Variants in SDK1 observed in about 807,000 individuals in gnomAD.
The protein encoded by SDK1 is protein sidekick-1.
SDK1 carries 157 observed loss-of-function variants against 245.5 expected under a neutral mutation model. The ratio of observed to expected loss-of-function variants is 0.64; its 90% CI spans 0.56 to 0.73. The LOEUF is 0.73. Ranked by LOEUF, SDK1 falls within the 30% of genes least tolerant of loss-of-function variation. The probability of loss-of-function intolerance (pLI) is 0.00; values close to 1 mark genes in which losing one functional copy is unlikely to be tolerated. For synonymous variants in SDK1, 1,647 were observed against 1,278.5 expected (o/e 1.29, Z -6.15); for missense variants, 3,583 against 3,002.3 (o/e 1.19, Z -4.52).
intron 4 of SDK1, among the ~76,000 whole-genome samples, chr7:3,731,376 A>T (rs1350185541): frequency 4.6e-5 from 7 of 152,200 alleles, no homozygotes; most frequent in Non-Finnish European, 7.3e-5. Context: ...CCGTGCCCCG[A>T]GTCAGCGTGG....
At chr7:3,687,221 G>T (rs1784313373) in intron 4 of SDK1, among the ~76,000 whole-genome samples, 1 of 151,236 alleles carries the variant, frequency 6.6e-6, no homozygotes, top group African/African-American at 2.4e-5. Flanking sequence ...CGCCAGGCTG[G>T]AATGCAGTGG....
At chr7:3,716,325 C>G (rs923703201) in intron 4 of SDK1, among the ~76,000 whole-genome samples, 4 of 151,892 alleles carry the variant, frequency 2.6e-5, no homozygotes, top group Non-Finnish European at 5.9e-5. Flanking sequence ...ACAATAGACC[C>G]TAAGAAATCA....
chr7:3,783,758 A>C (rs1220197501), intron 4 of SDK1, among the ~76,000 whole-genome samples: 1 of 152,234 alleles, frequency 6.6e-6, no homozygotes, highest in Non-Finnish European at 1.5e-5. Context: ...AAGAATTAAT[A>C]TTGTTAAATG....
intron 4 of SDK1, among the ~76,000 whole-genome samples, chr7:3,723,656 A>ATTT (rs1778893177): frequency 1.4e-5 from 2 of 140,316 alleles, no homozygotes; most frequent in African/African-American, 5.9e-5. Flanking sequence ...AGTAAGTAAA[A>ATTT]GTTGTGTGTG....
intron 1 of SDK1, among the ~76,000 whole-genome samples, chr7:3,353,079 C>T (rs1013197361): frequency 1.3e-5 from 2 of 152,120 alleles, no homozygotes; most frequent in African/African-American, 2.4e-5. Flanking sequence ...TATATTATCC[C>T]AATTTAGCTT....
intron 1 of SDK1, among the ~76,000 whole-genome samples, chr7:3,486,346 A>G (rs1781694126): frequency 6.6e-6 from 1 of 151,924 alleles, no homozygotes; most frequent in Non-Finnish European, 1.5e-5. Context: ...AGCCAGTTTT[A>G]TGGGTCATTT....
intron 1 of SDK1, among the ~76,000 whole-genome samples, chr7:3,451,846 G>C (rs1362754016): frequency 6.6e-6 from 1 of 152,160 alleles, no homozygotes; most frequent in Non-Finnish European, 1.5e-5. Flanking sequence ...AGTGTAGTAA[G>C]TGAAAGACTT....
chr7:3,561,738 C>T (rs978844107), intron 1 of SDK1, among the ~76,000 whole-genome samples: 1 of 152,300 alleles, frequency 6.6e-6, no homozygotes, highest in East Asian at 1.9e-4. Flanking sequence ...AAAGGCCAGG[C>T]TACAAAGAGC....
At chr7:3,416,340 C>A (rs924964786) in intron 1 of SDK1, among the ~76,000 whole-genome samples, 1 of 152,074 alleles carries the variant, frequency 6.6e-6, no homozygotes, top group African/African-American at 2.4e-5. Flanking sequence ...TGCTCCCGTT[C>A]TAGGGCCCTC....
rs12670071 is a variant in SDK1, at chr7:3,452,939, C to A, written c.298+151055C>A. On this transcript the variant is annotated intron_variant, in intron 1 of 44. Coordinates refer to ENST00000404826, the MANE Select transcript of SDK1 (RefSeq NM_152744.4). ...TTCATTATGCTGCCCCTGTTAAAAT[C>A]AGTTACCCTATTCCACCTGATTCAT... Among the ~76,000 whole-genome samples the A allele has an allele frequency of 1.7e-3, 252 of 152,258 alleles. 8 individuals carry two copies. The East Asian group carries it at 0.045, about 27-fold the overall frequency.
At chr7:3,740,346 T>C (rs1779443513) in intron 4 of SDK1, among the ~76,000 whole-genome samples, 1 of 152,224 alleles carries the variant, frequency 6.6e-6, no homozygotes, top group Non-Finnish European at 1.5e-5. Context: ...GAATCCCCTA[T>C]GGCCATGTCA....
At chr7:4,125,332 GATGA>G (rs1431149066) in intron 25 of SDK1, among the ~76,000 whole-genome samples, 1 of 149,700 alleles carries the variant, frequency 6.7e-6, no homozygotes, top group Non-Finnish European at 1.5e-5. Flanking sequence ...TGAATGGATG[GATGA>G]ATGAATAGAT....
intron 1 of SDK1, among the ~76,000 whole-genome samples, chr7:3,554,433 A>G (rs1779519284): frequency 6.6e-6 from 1 of 152,176 alleles, no homozygotes; most frequent in South Asian, 2.1e-4. Flanking sequence ...TTTGGGACGC[A>G]GGTAAAGCAG....
At chr7:3,593,379 C>G (rs115024804) in intron 1 of SDK1, among the ~76,000 whole-genome samples, 4,040 of 152,238 alleles carry the variant, frequency 0.027, 174 homozygotes, top group African/African-American at 0.086. Context: ...ATGTGATGCA[C>G]ATGAGCTTCA....
chr7:4,249,719 T>A (rs1787167294), intron 44 of SDK1, among the ~76,000 whole-genome samples: 1 of 152,190 alleles, frequency 6.6e-6, no homozygotes, highest in South Asian at 2.1e-4. Flanking sequence ...CCTTGCTGCA[T>A]CCTGCTTTTG....
At chr7:3,481,668 C>T (rs1261320036) in intron 1 of SDK1, among the ~76,000 whole-genome samples, 5 of 152,212 alleles carry the variant, frequency 3.3e-5, no homozygotes, top group African/African-American at 1.2e-4. Context: ...GGAAAGGTCA[C>T]GGCTCGTGTC....
intron 1 of SDK1, among the ~76,000 whole-genome samples, chr7:3,466,563 A>C (rs530070313): frequency 1.3e-5 from 2 of 150,244 alleles, no homozygotes. Context: ...AGGTTTACTC[A>C]TCTTCATCCA....
At chr7:4,101,429 G>C (rs1039085954) in intron 22 of SDK1, among the ~76,000 whole-genome samples, 1 of 152,186 alleles carries the variant, frequency 6.6e-6, no homozygotes, top group African/African-American at 2.4e-5. Context: ...TTACAGGCGT[G>C]AGCCACCGCA....
intron 1 of SDK1, among the ~76,000 whole-genome samples, chr7:3,480,763 T>C (rs1781496608): frequency 6.6e-6 from 1 of 152,230 alleles, no homozygotes; most frequent in Non-Finnish European, 1.5e-5. Flanking sequence ...ACAGGGGCTA[T>C]GAGTCAAAGG....
Sources: gnomAD v4.1 joint callset for allele counts (sites outside exome capture counted in the v4.1 genomes callset) on GRCh38, gnomAD v4.1.1 for gene constraint, MANE v1.5 for transcripts, NCBI Gene and HGNC (gene_info 2026-07-23, HGNC 2026-07-21) for gene names.